Variants in RUNX2 observed in about 807,000 individuals in gnomAD.
RUNX2 encodes RUNX family transcription factor 2.
RUNX2 carries 10 observed loss-of-function variants against 51.7 expected under a neutral mutation model. The ratio of observed to expected loss-of-function variants is 0.19; its 90% confidence interval spans 0.12 to 0.33. The LOEUF (loss-of-function observed/expected upper bound fraction) is 0.33. RUNX2 is among the 10% of genes least tolerant of loss of function. The pLI, the probability that RUNX2 is intolerant of heterozygous loss-of-function variation, is 1.00. For synonymous variants in RUNX2, 276 were observed against 273.6 expected, an observed-to-expected ratio of 1.01 and a Z score of -0.09; for missense variants, 562 against 691.3, an observed-to-expected ratio of 0.81 and a Z score of 2.10.
intron 2 of RUNX2, among the ~76,000 whole-genome samples, chr6:45,359,099 T>A (rs1465919864): frequency 1.3e-5 from 2 of 152,140 alleles, no homozygotes; most frequent in Non-Finnish European, 2.9e-5. Flanking sequence ...ACACATATAA[T>A]CCTAAACTGA....
intron 8 of RUNX2, among the ~76,000 whole-genome samples, chr6:45,545,963 G>A (rs1233430210): frequency 6.6e-6 from 1 of 152,204 alleles, no homozygotes; most frequent in Non-Finnish European, 1.5e-5. Context: ...ACTGCTTCAA[G>A]TTGACCTGAA....
intron 7 of RUNX2, among the ~76,000 whole-genome samples, chr6:45,520,432 A>G (rs1396265605): frequency 6.6e-6 from 1 of 152,204 alleles, no homozygotes; most frequent in Admixed American, 6.5e-5. Flanking sequence ...GAACATACCA[A>G]GTTAAAATAA....
intron 2 of RUNX2, among the ~76,000 whole-genome samples, chr6:45,375,298 C>T (rs551681695): frequency 1.3e-5 from 2 of 152,148 alleles, no homozygotes; most frequent in Non-Finnish European, 2.9e-5. Flanking sequence ...AGTAGGGTGA[C>T]ATTATGATGT....
intron 7 of RUNX2, among the ~76,000 whole-genome samples, chr6:45,519,210 AT>A (rs1801424564): frequency 1.3e-5 from 2 of 152,208 alleles, no homozygotes; most frequent in Admixed American, 6.5e-5. Flanking sequence ...TATTACTTTT[AT>A]GTATATGTCT....
intron 5 of RUNX2, among the ~76,000 whole-genome samples, chr6:45,486,375 C>T (rs1241025831): frequency 6.6e-6 from 1 of 152,174 alleles, no homozygotes; most frequent in African/African-American, 2.4e-5. Context: ...TAGTAGATAA[C>T]CAGTACACAT....
chr6:45,353,840 GGGAAAATAGGGAAAAT>G (rs1477268798), intron 2 of RUNX2, among the ~76,000 whole-genome samples: 1 of 151,388 alleles, frequency 6.6e-6, no homozygotes, highest in Non-Finnish European at 1.5e-5. Flanking sequence ...GGTGCTGGCG[GGGAAAATAGGGAAAAT>G]GCCAAATATA....
chr6:45,348,454 G>A (rs959746254), intron 2 of RUNX2, among the ~76,000 whole-genome samples: 10 of 142,892 alleles, frequency 7.0e-5, no homozygotes, highest in African/African-American at 2.6e-4. Flanking sequence ...CTCACTTGAG[G>A]TCTAGAGTTC....
intron 2 of RUNX2, among the ~76,000 whole-genome samples, chr6:45,405,738 G>A (rs529867420): frequency 6.6e-6 from 1 of 152,110 alleles, no homozygotes; most frequent in African/African-American, 2.4e-5. Context: ...AGTGAGCTGA[G>A]ACTGTGCCAC....
intron 7 of RUNX2, among the ~76,000 whole-genome samples, chr6:45,520,774 G>A (rs1563122076): frequency 6.6e-6 from 1 of 152,062 alleles, no homozygotes; most frequent in Non-Finnish European, 1.5e-5. Flanking sequence ...AGGCTGGAGT[G>A]CAGTGGTGTG....
chr6:45,544,614 T>G (rs996031263), intron 7 of RUNX2, among the ~76,000 whole-genome samples: 1 of 152,240 alleles, frequency 6.6e-6, no homozygotes, highest in Non-Finnish European at 1.5e-5. Flanking sequence ...GCGACTTCTT[T>G]CTGATACACG....
chr6:45,478,245 G>A (rs1458406302), intron 5 of RUNX2, among the ~76,000 whole-genome samples: 1 of 152,020 alleles, frequency 6.6e-6, no homozygotes, highest in African/African-American at 2.4e-5. Context: ...CCAGTATACC[G>A]TGAGCACCCT....
chr6:45,378,245 C>A (rs1214384314), intron 2 of RUNX2, among the ~76,000 whole-genome samples: 3 of 152,184 alleles, frequency 2.0e-5, no homozygotes, highest in Admixed American at 6.5e-5. Flanking sequence ...GTACAGGGTG[C>A]AGGCTTGAAT....
chr6:45,335,662 C>T (rs1372017430), intron 2 of RUNX2, among the ~76,000 whole-genome samples: 3 of 151,230 alleles, frequency 2.0e-5, no homozygotes, highest in East Asian at 3.9e-4. Flanking sequence ...TTCCATAAAG[C>T]TGATACCTGT....
At chr6:45,447,806 G>A (rs1356395184) in intron 5 of RUNX2, among the ~76,000 whole-genome samples, 1 of 152,126 alleles carries the variant, frequency 6.6e-6, no homozygotes, top group Non-Finnish European at 1.5e-5. Context: ...AGATCCTTCA[G>A]TAATTCCTTC....
chr6:45,522,289 G>T (rs189374183), intron 7 of RUNX2, among the ~76,000 whole-genome samples: 2 of 152,228 alleles, frequency 1.3e-5, no homozygotes, highest in Admixed American at 6.5e-5. Flanking sequence ...CAAATGTGAT[G>T]GTTACATTAT....
chr6:45,404,259 C>CAAAAAAAAAAAAAAAAAAAAA (rs34529128), intron 2 of RUNX2, among the ~76,000 whole-genome samples: 4 of 27,678 alleles, frequency 1.4e-4, no homozygotes, highest in African/African-American at 4.2e-4. Flanking sequence ...GACTCTGTCT[C>CAAAAAAAAAAAAAAAAAAAAA]AAAAAAAAAA....
chr6:45,490,468 A>G (rs1296485793), intron 5 of RUNX2, among the ~76,000 whole-genome samples: 1 of 152,112 alleles, frequency 6.6e-6, no homozygotes, highest in Non-Finnish European at 1.5e-5. Flanking sequence ...TTGGCTTCCT[A>G]TCTGTTTTCT....
intron 2 of RUNX2, among the ~76,000 whole-genome samples, chr6:45,363,753 C>T (rs1015785696): frequency 5.3e-5 from 8 of 151,926 alleles, no homozygotes; most frequent in Non-Finnish European, 7.4e-5. Context: ...GCTCACTTCA[C>T]GCAGTTGCTA....
At chr6:45,382,880 G>A (rs1797271537) in intron 2 of RUNX2, among the ~76,000 whole-genome samples, 1 of 152,196 alleles carries the variant, frequency 6.6e-6, no homozygotes, top group Admixed American at 6.5e-5. Context: ...TTAAGACATG[G>A]TTGGGTTCTG....
Sources: gnomAD v4.1 joint callset for allele counts (sites outside exome capture counted in the v4.1 genomes callset) on GRCh38, gnomAD v4.1.1 for gene constraint, MANE v1.5 for transcripts, NCBI Gene and HGNC (gene_info 2026-07-23, HGNC 2026-07-21) for gene names.